Variants in RAI1 observed in about 807,000 individuals in gnomAD.
RAI1 encodes retinoic acid-induced protein 1.
A neutral mutation model predicts 123.8 loss-of-function variants in RAI1; 9 were observed. The ratio of observed to expected loss-of-function variants is 0.07; its 90% CI spans 0.04 to 0.13. The LOEUF (loss-of-function observed/expected upper bound fraction) is 0.13. Among genes scored for constraint, RAI1 ranks in the 10% least tolerant of loss-of-function variants. RAI1 has a pLI of 1.00. For synonymous variants in RAI1, 1,231 were observed against 1,127.3 expected, an observed-to-expected ratio of 1.09 and a Z score of -1.84; for missense variants, 2,256 against 2,545.8, an observed-to-expected ratio of 0.89 and a Z score of 2.45.
intron 1 of RAI1, among the ~76,000 whole-genome samples, chr17:17,716,428 CTGTG>C (rs902082869): frequency 1.3e-5 from 2 of 152,172 alleles, no homozygotes; most frequent in Non-Finnish European, 1.5e-5. Flanking sequence ...CTGCATGTAG[CTGTG>C]TGTGTATGTC....
At position 17,796,556 on chromosome 17, in the gene RAI1, C is replaced by T. The variant is rs2032257982; in HGVS notation, c.3608C>T (p.Ala1203Val). ...AAGGAGGGCAGGGTGAGCCAGCGGG[C>T]AAGGGTCCCCAAACCTGGTGCAGGC... is the stretch of plus-strand genomic sequence containing the variant. The part of the protein sequence containing the change: ...PQKEGRVSQR[A>V]RVPKPGAGSK... Residue 1203 changes from alanine (A) to valine (V), a missense_variant, in exon 3 of 6, where the codon GCA (alanine) becomes GTA (valine). Around this residue, in one of 7 missense-constraint regions of RAI1, gnomAD observed 322 missense variants for 358.0 expected, o/e 0.90. Coordinates refer to ENST00000353383, the MANE Select transcript of RAI1 (RefSeq NM_030665.4). This position sits in a 1 kb window ranked among gnomAD's most constrained non-coding sequence, Gnocchi z 5.8. The T allele has an allele frequency of 6.2e-7, 1 of 1,610,966 alleles. No individual in the cohort carries two copies. Among genetic ancestry groups the T allele is most frequent in the Admixed American group, 1.7e-5 (1 of 60,006 alleles).
intron 2 of RAI1, 30 bp from the exon 3 acceptor site, chr17:17,792,903 C>A: frequency 3.1e-6 from 2 of 642,310 alleles, no homozygotes; most frequent in East Asian, 4.4e-5. Flanking sequence ...CTCCTTCCCT[C>A]CCTCCCTCCC....
chr17:17,745,115 C>T (rs1347133176), intron 2 of RAI1, among the ~76,000 whole-genome samples: 1 of 152,118 alleles, frequency 6.6e-6, no homozygotes, highest in Non-Finnish European at 1.5e-5. Context: ...AGGGAACTAA[C>T]TGTGGGTTGG....
rs371854957 is a variant in RAI1 at position 17,738,811 on chromosome 17, G to A, written c.-17+14652G>A. ...TGTCAGTCTTCTCCATCTGGGGAATGGGTTGGCTTGGTGGGAGTTTTCAGG... is the reference window on the plus strand; with the variant it reads ...TGTCAGTCTTCTCCATCTGGGGAATAGGTTGGCTTGGTGGGAGTTTTCAGG... On this transcript the variant is annotated intron_variant, in intron 2 of 5. Transcript: ENST00000353383. Among the ~76,000 whole-genome samples, 33 of 152,314 alleles carry A rather than the reference G, an allele frequency of 2.2e-4. No homozygotes were observed. The East Asian group carries it at 5.2e-3, about 24-fold the overall frequency.
At position 17,799,006 on chromosome 17, in the gene RAI1, C is replaced by T. The variant is rs2032367861; in HGVS notation, c.5565+493C>T. 6.6e-6 allele frequency among the ~76,000 whole-genome samples: 1 copy of T among 152,192 alleles called. No homozygotes were observed. Among genetic ancestry groups the T allele is most frequent in the Non-Finnish European group, 1.5e-5 (1 of 68,036 alleles). Reference sequence around the variant, plus strand: ...CCTCTCTGGCGACACAGGCTTGGTGCATGGACCCAGTCACAGGGTTCCTCC... The same window carrying T: ...CCTCTCTGGCGACACAGGCTTGGTGTATGGACCCAGTCACAGGGTTCCTCC... On this transcript the variant is annotated intron_variant, in intron 3 of 5. Transcript: ENST00000353383. The surrounding 1 kb of genome is among the most constrained non-coding windows in gnomAD (Gnocchi z 4.5).
intron 2 of RAI1, chr17:17,766,332 T>C (rs1018574322): frequency 6.6e-6 from 1 of 152,232 alleles, no homozygotes; most frequent in Admixed American, 6.5e-5. Context: ...TGCATCTTTG[T>C]CGCAGACACA....
intron 4 of RAI1, among the ~76,000 whole-genome samples, chr17:17,806,934 CACACACG>C (rs944268252): frequency 2.0e-4 from 31 of 152,186 alleles, no homozygotes; most frequent in African/African-American, 7.0e-4. Flanking sequence ...AGGCCATCTA[CACACACG>C]GCAGTTCCCT....
At chr17:17,697,954 G>T (rs1293123199) in intron 1 of RAI1, among the ~76,000 whole-genome samples, 3 of 152,184 alleles carry the variant, frequency 2.0e-5, no homozygotes, top group Non-Finnish European at 4.4e-5. Context: ...CAGTGGTGGG[G>T]CATTGCGCAC....
At chr17:17,688,801 T>C (rs536600829) in intron 1 of RAI1, among the ~76,000 whole-genome samples, 1 of 152,026 alleles carries the variant, frequency 6.6e-6, no homozygotes, top group East Asian at 2.0e-4. Flanking sequence ...GGTTTCACCA[T>C]GCTGGTCAGG....
chr17:17,791,768 T>C (rs919361232), intron 2 of RAI1, among the ~76,000 whole-genome samples: 3 of 152,174 alleles, frequency 2.0e-5, no homozygotes, highest in Non-Finnish European at 4.4e-5. Context: ...AGGGGTCTTC[T>C]GGTTGGCCAG....
At chr17:17,786,703 C>T (rs2031838650) in intron 2 of RAI1, among the ~76,000 whole-genome samples, 1 of 152,228 alleles carries the variant, frequency 6.6e-6, no homozygotes, top group East Asian at 1.9e-4. Context: ...TCCACTTCCC[C>T]AGGGAAGTAA....
At chr17:17,690,321 A>C (rs954204019) in intron 1 of RAI1, among the ~76,000 whole-genome samples, 1 of 151,238 alleles carries the variant, frequency 6.6e-6, no homozygotes, top group Non-Finnish European at 1.5e-5. Context: ...TGGGAGGCAG[A>C]GGTGGCAGTG....
intron 2 of RAI1, among the ~76,000 whole-genome samples, chr17:17,765,163 G>T (rs2030873812): frequency 6.6e-6 from 1 of 152,262 alleles, no homozygotes; most frequent in Admixed American, 6.5e-5. Flanking sequence ...AACTAAAATA[G>T]TTGGAGGATC....
At chr17:17,798,555 A>C in intron 3 of RAI1, 42 bp downstream of exon 3, 1 of 1,595,828 alleles carries the variant, frequency 6.3e-7, no homozygotes, top group South Asian at 1.1e-5. Flanking sequence ...GTGGGGTTCC[A>C]AAGGACAGGC....
At chr17:17,807,749 G>A (rs1025387701) in intron 4 of RAI1, among the ~76,000 whole-genome samples, 1 of 152,238 alleles carries the variant, frequency 6.6e-6, no homozygotes, top group African/African-American at 2.4e-5. Flanking sequence ...CAGCTACCCA[G>A]GCGTGCCAGG....
In RAI1 at chr17:17,715,745, CAA is replaced by C. The variant is rs1476552705; in HGVS notation, c.-148-8281_-148-8280del. 2.0e-5 allele frequency among the ~76,000 whole-genome samples: 3 copies of C among 152,286 alleles called. No homozygotes were observed. The East Asian group carries it at 5.8e-4, about 29-fold the overall frequency. On this transcript the variant is annotated intron_variant, in intron 1 of 5. Transcript: ENST00000353383. ...TGCCCCCCGGAAAGGGCTTTCCATT[CAA>C]AGTTTCCCCTGGACTCATTCTGGCC...
chr17:17,793,919 C>T lies in RAI1; in HGVS notation c.971C>T (p.Pro324Leu), dbSNP rs778548823. The change falls in exon 3 of 6, where the codon CCG (proline) becomes CTG (leucine). Residue 324 changes from proline (P) to leucine (L), a missense_variant. Physicochemically the swap from Pro to Leu is moderately conservative, Grantham distance 98 (BLOSUM62 -3). Around this residue, in one of 7 missense-constraint regions of RAI1, gnomAD observed 357 missense variants for 480.2 expected, o/e 0.74. Transcript: ENST00000353383. ...YGQQGQGYCQ[P>L]DAAVRTPEQY... The stretch of plus-strand genomic sequence containing the variant: ...CAGCAAGGCCAGGGCTACTGCCAGC[C>T]GGACGCAGCCGTCCGGACCCCAGAG... 9.9e-6 allele frequency: 16 copies of T among 1,613,768 alleles called. No homozygotes were observed. The highest frequency in any genetic ancestry group is 1.6e-4 in the Middle Eastern group (1 of 6,084).
In RAI1 at chr17:17,795,647, C is replaced by G. The variant is rs774579789; in HGVS notation, c.2699C>G (p.Thr900Ser). ...TCACCCAAGGCCCCACTCATCTGCA[C>G]CAAGGAGGAGGTGGAGGAGGTGCTG... ...PLSPKAPLIC[T>S]KEEVEEVLDS... The change falls in exon 3 of 6, where the codon ACC becomes AGC. Residue 900 changes from threonine to serine, a missense_variant. By Grantham distance (58) the Thr-to-Ser change is moderately conservative. Around this residue, in one of 7 missense-constraint regions of RAI1, gnomAD observed 566 missense variants for 616.0 expected, o/e 0.92. Coordinates refer to ENST00000353383, the MANE Select transcript of RAI1 (RefSeq NM_030665.4). The surrounding 1 kb of genome is among the most constrained non-coding windows in gnomAD (Gnocchi z 5.9). 1 of 1,613,262 alleles carries G rather than the reference C, an allele frequency of 6.2e-7. No homozygotes were observed.
At chr17:17,735,394 C>T (rs1021359654) in intron 2 of RAI1, among the ~76,000 whole-genome samples, 5 of 146,434 alleles carry the variant, frequency 3.4e-5, no homozygotes, top group African/African-American at 1.3e-4. Context: ...ACTCTTGTTA[C>T]CCAGGCTGGA....
Sources: gnomAD v4.1 joint callset for allele counts (sites outside exome capture counted in the v4.1 genomes callset) on GRCh38, gnomAD v4.1.1 for gene constraint, gnomAD v4.1.1 regional missense constraint, Gnocchi (gnomAD v3.1) non-coding constraint, MANE v1.5 for transcripts, NCBI Gene and HGNC (gene_info 2026-07-23, HGNC 2026-07-21) for gene names.